OTOF: variants seen among roughly 807,000 people sequenced by gnomAD.
OTOF encodes otoferlin, also known as fer-1-like family member 2.
A neutral mutation model predicts 236.8 loss-of-function variants in OTOF; 218 were observed. That is an observed-to-expected ratio of 0.92 (90% CI 0.82 to 1.03). The LOEUF (loss-of-function observed/expected upper bound fraction) is 1.03. Among genes scored for constraint, OTOF ranks in the 50% least tolerant of loss-of-function variants. OTOF has a pLI of 0.00. For missense variants in OTOF, 2,590 were observed against 2,694.4 expected, an observed-to-expected ratio of 0.96 and a Z score of 0.86; for synonymous variants, 1,041 against 1,072.5, an observed-to-expected ratio of 0.97 and a Z score of 0.57.
In OTOF at chr2:26,541,103, C is replaced by T. The variant is rs554542477; in HGVS notation, c.80-3329G>A. ...CATCCTAGAAGATTTTAATAAGCCT[C>T]GGATATAGCTGTCCTCCGGGGTCTC... On this transcript the variant is annotated intron_variant, in intron 1 of 46. Transcript: ENST00000272371. Among the ~76,000 whole-genome samples the T allele has an allele frequency of 4.6e-5, 7 of 152,298 alleles. No homozygotes were observed. The East Asian group carries it at 7.7e-4, about 17-fold the overall frequency.
intron 8 of OTOF, among the ~76,000 whole-genome samples, chr2:26,501,545 C>T (rs1179777267): frequency 1.3e-5 from 2 of 152,214 alleles, no homozygotes; most frequent in African/African-American, 4.8e-5. Context: ...GCAGAGTTCT[C>T]AAGCTTTTCT....
chr2:26,539,778 G>A (rs181206389), intron 1 of OTOF, among the ~76,000 whole-genome samples: 1 of 152,150 alleles, frequency 6.6e-6, no homozygotes, highest in African/African-American at 2.4e-5. Context: ...GGTTATCCCT[G>A]GGGAGGGAGA....
intron 8 of OTOF, among the ~76,000 whole-genome samples, chr2:26,499,685 A>G (rs1666072359): frequency 6.6e-6 from 1 of 151,862 alleles, no homozygotes; most frequent in South Asian, 2.1e-4. Context: ...TAATTTTTGT[A>G]TTTTTAGTAG....
chr2:26,537,614 G>T, intron 2 of OTOF, 102 bp downstream of exon 2: 3 of 869,684 alleles, frequency 3.4e-6, no homozygotes, highest in African/African-American at 1.7e-5. Flanking sequence ...GCAGGCCAGT[G>T]CCTGGGATTT....
At chr2:26,476,357 C>T in intron 22 of OTOF, 40 bp from the exon 23 acceptor site, 1 of 1,585,980 alleles carries the variant, frequency 6.3e-7, no homozygotes, top group Non-Finnish European at 8.5e-7. Context: ...CTGACGGCTG[C>T]CAGGGCCCAA....
Position 26,461,669 on chromosome 2 carries a change from A to G in OTOF, c.5533+27T>C. On this transcript the variant is annotated intron_variant, in intron 43 of 46. Transcript: ENST00000272371. This position sits in a 1 kb window ranked among gnomAD's most constrained non-coding sequence, Gnocchi z 6.2. ...TGCCTCTTCTCAGTTCTGGATCCTG[A>G]ACCCCCATCCCTGCCCTGCTCTGCA... 1 of 1,612,778 alleles carries G rather than the reference A, an allele frequency of 6.2e-7. No homozygotes were observed. Among genetic ancestry groups the G allele is most frequent in the Non-Finnish European group, 8.5e-7 (1 of 1,179,952 alleles).
At chr2:26,495,654 G>A (rs1006120196) in intron 8 of OTOF, among the ~76,000 whole-genome samples, 16 of 151,930 alleles carry the variant, frequency 1.1e-4, no homozygotes, top group African/African-American at 3.4e-4. Context: ...TCAAACTCCC[G>A]GCCTCAAGTG....
chr2:26,536,777 T>C (rs952329017), intron 2 of OTOF, among the ~76,000 whole-genome samples: 2 of 152,168 alleles, frequency 1.3e-5, no homozygotes, highest in African/African-American at 4.8e-5. Flanking sequence ...TTCCAGTTTG[T>C]GCTAAGATGG....
chr2:26,526,565 T>G (rs1454014913), intron 3 of OTOF, among the ~76,000 whole-genome samples: 1 of 152,178 alleles, frequency 6.6e-6, no homozygotes, highest in African/African-American at 2.4e-5. Flanking sequence ...CCTTTCAGGC[T>G]CTCATCCATT....
intron 46 of OTOF, 65 bp from the exon 47 acceptor site, chr2:26,458,285 C>A: frequency 6.7e-7 from 1 of 1,495,578 alleles, no homozygotes; most frequent in South Asian, 1.2e-5. Context: ...TGCACCCCAT[C>A]CTCTGTCCTT....
chr2:26,553,397 C>T (rs1273296837), intron 1 of OTOF, among the ~76,000 whole-genome samples: 1 of 152,182 alleles, frequency 6.6e-6, no homozygotes, highest in African/African-American at 2.4e-5. Flanking sequence ...GGCAGTTTTT[C>T]AAGACCCAGC....
intron 15 of OTOF, 22 bp from the exon 16 acceptor site, chr2:26,480,333 C>T (rs368662875): frequency 9.1e-6 from 13 of 1,435,474 alleles, no homozygotes; most frequent in East Asian, 2.3e-5. Flanking sequence ...CAGTTCAAAG[C>T]GTTCCTGAGC....
Position 26,463,974 on chromosome 2 carries a change from C to T in OTOF, c.5093G>A (p.Gly1698Asp). Residue 1698 changes from glycine (G) to aspartate (D), a missense_variant, in exon 40 of 47, where the codon GGC becomes GAC. Coordinates refer to ENST00000272371, the MANE Select transcript of OTOF (RefSeq NM_194248.3). ...CCATGCAAGTGTCACCTGCTCGATG[C>T]CCGGCTTGTCGGGGTTGAGCAGCGG... ...TRPLLNPDKP[G>D]IEQGRLELWV... 6.2e-7 allele frequency: 1 copy of T among 1,613,824 alleles called. No homozygotes were observed. Among genetic ancestry groups the T allele is most frequent in the Admixed American group, 1.7e-5 (1 of 60,024 alleles).
rs1664251862 is a variant in OTOF, at chr2:26,457,659, C to T, written c.*579G>A. 3.9e-5 allele frequency: 9 copies of T among 228,560 alleles called. No individual in the cohort carries two copies. The South Asian group carries it at 7.0e-4, about 18-fold the overall frequency. The allele number at this position is 228,560 out of a possible 1,614,324, so 14.2% of individuals were successfully genotyped here. A position where few individuals can be genotyped will look rare whatever the true frequency, so the allele number is the denominator to read the frequency against. On this transcript the variant is annotated 3_prime_UTR_variant, in exon 47 of 47. Coordinates refer to ENST00000272371, the MANE Select transcript of OTOF (RefSeq NM_194248.3). The surrounding 1 kb of genome is among the most constrained non-coding windows in gnomAD (Gnocchi z 4.4). ...TCTTTTTAAAGCCCTGGGCACTGAC[C>T]CATGGTCCTTGGTTAATTTCACTAA...
chr2:26,463,202 T>G (rs1268073894), intron 41 of OTOF, among the ~76,000 whole-genome samples: 1 of 152,112 alleles, frequency 6.6e-6, no homozygotes, highest in Non-Finnish European at 1.5e-5. Context: ...GTAGATACAA[T>G]GCACCGGAGT....
At chr2:26,480,467 C>G (rs1314811887) in intron 15 of OTOF, among the ~76,000 whole-genome samples, 156 bp from the exon 16 acceptor site, 1 of 152,212 alleles carries the variant, frequency 6.6e-6, no homozygotes, top group African/African-American at 2.4e-5. Context: ...AACGGCCCCC[C>G]AGCCTGGATA....
intron 6 of OTOF, among the ~76,000 whole-genome samples, chr2:26,503,181 C>A (rs1166997039): frequency 6.6e-6 from 1 of 152,210 alleles, no homozygotes; most frequent in African/African-American, 2.4e-5. Flanking sequence ...GAAGATGGCC[C>A]CCTCCCAGCT....
At position 26,479,609 on chromosome 2, in the gene OTOF, G is replaced by GCCC. The variant is rs2148055345; in HGVS notation, c.1956_1957insGGG (p.Arg652_Pro653insGly). 1.2e-6 allele frequency: 2 copies of GCCC among 1,612,584 alleles called. No individual in the cohort carries two copies. Among genetic ancestry groups the GCCC allele is most frequent in the Non-Finnish European group, 1.7e-6 (2 of 1,179,796 alleles). On this transcript the variant is annotated inframe_insertion, in exon 17 of 47. Coordinates refer to ENST00000272371, the MANE Select transcript of OTOF (RefSeq NM_194248.3). ...TCCCCCGGCTCCTTCCGGGGCCGAG[G>GCCC]CCGCTGGGGCCGGGACAGGCCATCA...
At chr2:26,482,809 A>ATGAGTGGGTGCATGTGTGCG (rs1558490990) in intron 13 of OTOF, among the ~76,000 whole-genome samples, 4 of 24,114 alleles carry the variant, frequency 1.7e-4, no homozygotes, top group Admixed American at 4.4e-4. Flanking sequence ...ATGTGTGTGT[A>ATGAGTGGGTGCATGTGTGCG]TGAGTGGGTG....
Sources: gnomAD v4.1 joint callset for allele counts (sites outside exome capture counted in the v4.1 genomes callset) on GRCh38, gnomAD v4.1.1 for gene constraint, Gnocchi (gnomAD v3.1) non-coding constraint, MANE v1.5 for transcripts, NCBI Gene and HGNC (gene_info 2026-07-23, HGNC 2026-07-21) for gene names.